Variants in KIRREL3 observed in about 807,000 individuals in gnomAD.
The protein encoded by KIRREL3 is kin of IRRE-like protein 3.
KIRREL3 carries 36 observed loss-of-function variants against 89.7 expected under a neutral mutation model. The ratio of observed to expected loss-of-function variants is 0.40; its 90% CI spans 0.31 to 0.53. The LOEUF is 0.53. Among genes scored for constraint, KIRREL3 ranks in the 20% least tolerant of loss-of-function variants. KIRREL3 has a pLI of 0.49. For missense variants in KIRREL3, 864 were observed against 1,056.6 expected, an observed-to-expected ratio of 0.82 and a Z score of 2.53; for synonymous variants, 445 against 441.4, an observed-to-expected ratio of 1.01 and a Z score of -0.10.
intron 1 of KIRREL3, among the ~76,000 whole-genome samples, chr11:126,822,992 C>T (rs73026512): frequency 0.25 from 38,392 of 151,934 alleles, 4,899 homozygotes; most frequent in Admixed American, 0.31. Flanking sequence ...GGAGGAATGT[C>T]GAGGAATTTG....
intron 1 of KIRREL3, among the ~76,000 whole-genome samples, chr11:126,663,695 G>A (rs965395090): frequency 1.3e-5 from 2 of 152,186 alleles, no homozygotes; most frequent in African/African-American, 4.8e-5. Flanking sequence ...GCAATGGGGA[G>A]GCACAACTCC....
At position 126,750,849 on chromosome 11, in the gene KIRREL3, A is replaced by C. The variant is rs1433231921; in HGVS notation, c.56-187937T>G. ...ATGCTCATATATTCTTTCCATTTTC[A>C]TGAGTACTAATAAAACACATGATAG... On this transcript the variant is annotated intron_variant, in intron 1 of 16. Transcript: ENST00000525144. This position sits in a 1 kb window ranked among gnomAD's most constrained non-coding sequence, Gnocchi z 4.2. 6.6e-6 allele frequency among the ~76,000 whole-genome samples: 1 copy of C among 152,234 alleles called. No homozygotes were observed. The highest frequency in any genetic ancestry group is 6.5e-5 in the Admixed American group (1 of 15,290).
chr11:126,641,252 A>G lies in KIRREL3; in HGVS notation c.56-78340T>C, dbSNP rs1235289370. 6.6e-6 allele frequency among the ~76,000 whole-genome samples: 1 copy of G among 151,694 alleles called. No homozygotes were observed. Among genetic ancestry groups the G allele is most frequent in the African/African-American group, 2.4e-5 (1 of 41,262 alleles). ...TCTCAAAATATATTATAAACCAACCACCTCTCACCACTTCCTCTGCTACTT... is the reference window on the plus strand; with the variant it reads ...TCTCAAAATATATTATAAACCAACCGCCTCTCACCACTTCCTCTGCTACTT... On this transcript the variant is annotated intron_variant, in intron 1 of 16. Transcript: ENST00000525144. This position sits in a 1 kb window ranked among gnomAD's most constrained non-coding sequence, Gnocchi z 5.0.
At chr11:126,938,583 C>T (rs1948303708) in intron 1 of KIRREL3, among the ~76,000 whole-genome samples, 1 of 152,158 alleles carries the variant, frequency 6.6e-6, no homozygotes, top group Non-Finnish European at 1.5e-5. Flanking sequence ...CTCTAGGTCT[C>T]CACTGATTAA....
chr11:126,536,454 GTC>G (rs2134474582), intron 2 of KIRREL3, among the ~76,000 whole-genome samples: 1 of 152,218 alleles, frequency 6.6e-6, no homozygotes, highest in South Asian at 2.1e-4. Context: ...ATAGGCACAT[GTC>G]TCTGCACTGT....
Position 126,516,248 on chromosome 11 carries a change from T to C in KIRREL3, c.433+5067A>G, listed in dbSNP as rs1246338418. 6.6e-6 allele frequency among the ~76,000 whole-genome samples: 1 copy of C among 152,152 alleles called. No individual in the cohort carries two copies. Among genetic ancestry groups the C allele is most frequent in the East Asian group, 1.9e-4 (1 of 5,204 alleles). Reference sequence around the variant, plus strand: ...ATGTTGATTTAGGAAGCTTTATTTCTAACGGGAGCCACAAGACAGCAGAGT... The same window carrying C: ...ATGTTGATTTAGGAAGCTTTATTTCCAACGGGAGCCACAAGACAGCAGAGT... On this transcript the variant is annotated intron_variant, in intron 4 of 16. Transcript: ENST00000525144. This position sits in a 1 kb window ranked among gnomAD's most constrained non-coding sequence, Gnocchi z 4.9.
At chr11:126,910,461 G>C (rs1946772589) in intron 1 of KIRREL3, among the ~76,000 whole-genome samples, 1 of 152,178 alleles carries the variant, frequency 6.6e-6, no homozygotes, top group Non-Finnish European at 1.5e-5. Flanking sequence ...ACAAGGATTT[G>C]AGGACAAAGG....
At position 126,615,043 on chromosome 11, in the gene KIRREL3, G is replaced by A. The variant is rs1244306591; in HGVS notation, c.56-52131C>T. Among the ~76,000 whole-genome samples the A allele has an allele frequency of 1.3e-5, 2 of 152,180 alleles. No homozygotes were observed. Among genetic ancestry groups the A allele is most frequent in the Admixed American group, 6.5e-5 (1 of 15,288 alleles). On this transcript the variant is annotated intron_variant, in intron 1 of 16. Coordinates refer to ENST00000525144, the MANE Select transcript of KIRREL3 (RefSeq NM_032531.4). The surrounding 1 kb of genome is among the most constrained non-coding windows in gnomAD (Gnocchi z 5.4). Reference sequence around the variant, plus strand: ...CTTCAAGAGGCTGAAAGGCTGTCATGTGGAAGAGGGATTGGAGTGATTTGA... The same window carrying A: ...CTTCAAGAGGCTGAAAGGCTGTCATATGGAAGAGGGATTGGAGTGATTTGA...
intron 1 of KIRREL3, among the ~76,000 whole-genome samples, chr11:126,732,532 A>G (rs74557203): frequency 0.017 from 2,554 of 152,316 alleles, 89 homozygotes; most frequent in African/African-American, 0.057. Flanking sequence ...ACAGCTCATA[A>G]CAACAGCCAA....
At chr11:126,542,697 G>T (rs1344058961) in intron 2 of KIRREL3, among the ~76,000 whole-genome samples, 1 of 152,086 alleles carries the variant, frequency 6.6e-6, no homozygotes, top group Admixed American at 6.5e-5. Context: ...AACAGATTTT[G>T]CCTTTAAAGG....
chr11:126,886,145 C>T (rs895522285), intron 1 of KIRREL3, among the ~76,000 whole-genome samples: 1 of 152,126 alleles, frequency 6.6e-6, no homozygotes, highest in Admixed American at 6.5e-5. Context: ...GGTTTTGACC[C>T]ACGAATACTT....
chr11:126,504,033 T>C (rs1011285470), intron 4 of KIRREL3, among the ~76,000 whole-genome samples: 1 of 152,210 alleles, frequency 6.6e-6, no homozygotes, highest in Non-Finnish European at 1.5e-5. Context: ...TTTTAAACTT[T>C]AAACTTTTGG....
rs915665517 is a variant in KIRREL3 at position 126,463,312 on chromosome 11, G to A, written c.592-5C>T. On this transcript the variant is annotated splice_region_variant and splice_polypyrimidine_tract_variant and intron_variant, in intron 5 of 16. Coordinates refer to ENST00000525144, the MANE Select transcript of KIRREL3 (RefSeq NM_032531.4). The surrounding 1 kb of genome is among the most constrained non-coding windows in gnomAD (Gnocchi z 5.9). ...CTTGCCGTCCCGAAGCAGGGTCTTG[G>A]GAGAAAGGGAAAGGGGAGAGAAAGC... 7.4e-6 allele frequency: 12 copies of A among 1,611,814 alleles called. No homozygotes were observed. The highest frequency in any genetic ancestry group is 1.3e-5 in the African/African-American group (1 of 74,892).
chr11:126,530,533 C>G lies in KIRREL3; in HGVS notation c.134-3846G>C, dbSNP rs765806103. Reference sequence around the variant, plus strand: ...CTGTTTCTTCCACACACACACTGACCGGACCCTGCTGTGAGGCAGGCACTG... The same window carrying G: ...CTGTTTCTTCCACACACACACTGACGGGACCCTGCTGTGAGGCAGGCACTG... On this transcript the variant is annotated intron_variant, in intron 2 of 16. Coordinates refer to ENST00000525144, the MANE Select transcript of KIRREL3 (RefSeq NM_032531.4). The surrounding 1 kb of genome is among the most constrained non-coding windows in gnomAD (Gnocchi z 5.8). Among the ~76,000 whole-genome samples the G allele has an allele frequency of 1.3e-5, 2 of 152,180 alleles. No individual in the cohort carries two copies. Among genetic ancestry groups the G allele is most frequent in the Admixed American group, 6.5e-5 (1 of 15,284 alleles).
chr11:126,626,922 C>T (rs1391845636), intron 1 of KIRREL3, among the ~76,000 whole-genome samples: 3 of 151,860 alleles, frequency 2.0e-5, no homozygotes, highest in Admixed American at 1.3e-4. Flanking sequence ...GCAGGAGAAT[C>T]GCTTGAACCC....
intron 2 of KIRREL3, among the ~76,000 whole-genome samples, chr11:126,538,751 A>C (rs1051325278): frequency 3.9e-5 from 6 of 152,144 alleles, no homozygotes; most frequent in Non-Finnish European, 5.9e-5. Context: ...AGCAGGAGCC[A>C]CCTCAGCAAT....
In KIRREL3 at chr11:126,948,933, A is replaced by C. The variant is rs1327464613; in HGVS notation, c.55+51522T>G. ...CCATATAACATGCTGGGCTAGGAGA[A>C]GAATGCCTGAAAGAAAACATGCACT... is the stretch of plus-strand genomic sequence containing the variant. On this transcript the variant is annotated intron_variant, in intron 1 of 16. Coordinates refer to ENST00000525144, the MANE Select transcript of KIRREL3 (RefSeq NM_032531.4). The surrounding 1 kb of genome is among the most constrained non-coding windows in gnomAD (Gnocchi z 4.5). Among the ~76,000 whole-genome samples, 3 of 152,230 alleles carry C rather than the reference A, an allele frequency of 2.0e-5. No homozygotes were observed.
Position 126,471,211 on chromosome 11 carries a change from GA to G in KIRREL3, c.591+2097del, listed in dbSNP as rs1013836984. 8.0e-5 allele frequency among the ~76,000 whole-genome samples: 12 copies of G among 150,442 alleles called. No homozygotes were observed. Among genetic ancestry groups the G allele is most frequent in the South Asian group, 6.3e-4 (3 of 4,758 alleles). ...CGTCTCTTTTAAAAATACAAAAAAA[GA>G]AAAAAAAATTAGCTGGGCATGATGG... On this transcript the variant is annotated intron_variant, in intron 5 of 16. Coordinates refer to ENST00000525144, the MANE Select transcript of KIRREL3 (RefSeq NM_032531.4). This position sits in a 1 kb window ranked among gnomAD's most constrained non-coding sequence, Gnocchi z 5.4.
rs1948087621 is a variant in KIRREL3 at position 126,719,436 on chromosome 11, G to A, written c.56-156524C>T. 6.6e-6 allele frequency among the ~76,000 whole-genome samples: 1 copy of A among 152,060 alleles called. No homozygotes were observed. Among genetic ancestry groups the A allele is most frequent in the Admixed American group, 6.5e-5 (1 of 15,280 alleles). On this transcript the variant is annotated intron_variant, in intron 1 of 16. Coordinates refer to ENST00000525144, the MANE Select transcript of KIRREL3 (RefSeq NM_032531.4). The surrounding 1 kb of genome is among the most constrained non-coding windows in gnomAD (Gnocchi z 4.7). ...ATTCCCAAATGTTGGAGGACCTCAG[G>A]GCTTCTCCGAGCTGTCTACATTCAC...
Sources: allele counts gnomAD v4.1 joint callset (sites outside exome capture counted in the v4.1 genomes callset), GRCh38; gene constraint gnomAD v4.1.1; non-coding constraint Gnocchi (gnomAD v3.1); transcripts MANE v1.5; gene names NCBI Gene and HGNC (gene_info 2026-07-23, HGNC 2026-07-21).